Variants in ADGRL3 observed in about 807,000 individuals in gnomAD.
ADGRL3 encodes the protein calcium-independent alpha-latrotoxin receptor 3.
ADGRL3 carries 62 observed loss-of-function variants against 153.5 expected under a neutral mutation model. That is an observed-to-expected ratio of 0.40 (90% CI 0.33 to 0.50). The LOEUF is 0.50. ADGRL3 is among the 20% of genes least tolerant of loss of function. The probability of loss-of-function intolerance (pLI) is 0.47; values close to 1 mark genes in which losing one functional copy is unlikely to be tolerated. For missense variants in ADGRL3, 1,641 were observed against 1,859.4 expected, an observed-to-expected ratio of 0.88 and a Z score of 2.16; for synonymous variants, 710 against 672.5, an observed-to-expected ratio of 1.06 and a Z score of -0.86.
At chr4:61,487,687 A>T (rs1159900063) in intron 2 of ADGRL3, among the ~76,000 whole-genome samples, 3 of 152,072 alleles carry the variant, frequency 2.0e-5, no homozygotes, top group Admixed American at 2.0e-4. Flanking sequence ...GTTAATTTTT[A>T]AAATATATTT....
chr4:61,523,056 T>TGC (rs947152639), intron 4 of ADGRL3, among the ~76,000 whole-genome samples: 1 of 58,322 alleles, frequency 1.7e-5, no homozygotes, highest in Non-Finnish European at 3.0e-5. Context: ...CTGAAAATTG[T>TGC]GCGTGTGTGT....
At chr4:61,997,952 T>TGGCATAGCA (rs1266439270) in intron 20 of ADGRL3, among the ~76,000 whole-genome samples, 2 of 152,176 alleles carry the variant, frequency 1.3e-5, no homozygotes, top group Non-Finnish European at 2.9e-5. Flanking sequence ...TTGTGTGATT[T>TGGCATAGCA]GGCATAGCAG....
At chr4:61,249,506 G>A (rs1018689800) in intron 1 of ADGRL3, among the ~76,000 whole-genome samples, 1 of 151,940 alleles carries the variant, frequency 6.6e-6, no homozygotes, top group African/African-American at 2.4e-5. Context: ...GATGGCTTCT[G>A]GTGCTACACC....
chr4:61,308,309 T>G (rs571923652), intron 1 of ADGRL3, among the ~76,000 whole-genome samples: 2 of 152,234 alleles, frequency 1.3e-5, no homozygotes, highest in African/African-American at 4.8e-5. Context: ...ACACTGTTCC[T>G]GAGAATGGAA....
intron 5 of ADGRL3, among the ~76,000 whole-genome samples, chr4:61,610,174 C>T (rs1376830978): frequency 2.0e-5 from 3 of 150,232 alleles, no homozygotes; most frequent in South Asian, 2.1e-4. Context: ...ATAAAAGAGC[C>T]TGATTTTATT....
chr4:61,696,691 T>G (rs1414253955), intron 6 of ADGRL3, among the ~76,000 whole-genome samples: 2 of 144,844 alleles, frequency 1.4e-5, no homozygotes, highest in Non-Finnish European at 3.0e-5. Flanking sequence ...TTTTTTTTTT[T>G]GTGAGATGGA....
chr4:61,998,945 T>C (rs1182006889), intron 21 of ADGRL3, among the ~76,000 whole-genome samples: 1 of 152,076 alleles, frequency 6.6e-6, no homozygotes, highest in African/African-American at 2.4e-5. Flanking sequence ...CAGAGCAATG[T>C]GATGAGAGCC....
chr4:61,303,113 T>A (rs2150373102), intron 1 of ADGRL3, among the ~76,000 whole-genome samples: 1 of 152,292 alleles, frequency 6.6e-6, no homozygotes, highest in South Asian at 2.1e-4. Context: ...TATCCAAATT[T>A]AGAACCATTG....
intron 4 of ADGRL3, among the ~76,000 whole-genome samples, chr4:61,532,189 T>C (rs1201845851): frequency 6.6e-6 from 1 of 152,196 alleles, no homozygotes; most frequent in Non-Finnish European, 1.5e-5. Context: ...GGCAGTCAGA[T>C]ATGCGTGACT....
chr4:62,006,032 A>ATATATATTTT (rs1203029363), intron 21 of ADGRL3, among the ~76,000 whole-genome samples: 8 of 73,088 alleles, frequency 1.1e-4, no homozygotes, highest in African/African-American at 2.5e-4. Flanking sequence ...ATATATATAT[A>ATATATATTTT]TTTTTTTTTT....
chr4:61,386,296 A>G (rs545935069), intron 2 of ADGRL3, among the ~76,000 whole-genome samples: 2 of 152,266 alleles, frequency 1.3e-5, no homozygotes, highest in Admixed American at 6.5e-5. Flanking sequence ...TAACATAAAC[A>G]CTACTCAGAT....
intron 1 of ADGRL3, among the ~76,000 whole-genome samples, chr4:61,263,642 T>C (rs375093040): frequency 9.2e-5 from 14 of 152,064 alleles, no homozygotes; most frequent in African/African-American, 3.4e-4. Flanking sequence ...GCTAGTCGTT[T>C]AATGAGACAT....
intron 1 of ADGRL3, among the ~76,000 whole-genome samples, chr4:61,228,587 A>T (rs569133567): frequency 5.9e-5 from 9 of 152,346 alleles, no homozygotes; most frequent in African/African-American, 2.2e-4. Flanking sequence ...TAAGAAGAGC[A>T]AACCATGACA....
intron 4 of ADGRL3, among the ~76,000 whole-genome samples, chr4:61,562,298 AG>A (rs2098798384): frequency 6.6e-6 from 1 of 152,118 alleles, no homozygotes; most frequent in African/African-American, 2.4e-5. Context: ...CTGATTAATC[AG>A]GGTGGTGGTG....
At chr4:61,973,450 A>G (rs2099036715) in intron 17 of ADGRL3, among the ~76,000 whole-genome samples, 1 of 152,118 alleles carries the variant, frequency 6.6e-6, no homozygotes, top group African/African-American at 2.4e-5. Context: ...CAGAAGCTTC[A>G]TGTAAGTTTT....
intron 8 of ADGRL3, among the ~76,000 whole-genome samples, chr4:61,811,541 A>G (rs933208115): frequency 6.6e-6 from 1 of 152,114 alleles, no homozygotes; most frequent in African/African-American, 2.4e-5. Flanking sequence ...GGTTTTGATG[A>G]AAATGTTCTA....
chr4:61,509,122 A>ACC (rs1553949479), intron 3 of ADGRL3, among the ~76,000 whole-genome samples: 2 of 98,348 alleles, frequency 2.0e-5, no homozygotes, highest in Non-Finnish European at 2.1e-5. Context: ...ACCATATCAC[A>ACC]TCTTTTTTTT....
In ADGRL3 at chr4:61,448,359, G is replaced by A. The variant is rs940950411; in HGVS notation, c.-173-48762G>A. On this transcript the variant is annotated intron_variant, in intron 2 of 26. Coordinates refer to ENST00000683033, the MANE Select transcript of ADGRL3 (RefSeq NM_001387552.1). ...ACAATAATGAGAGATAAAATACTGC[G>A]GGAAATAATTCTAAGCCCAGTGGTT... Among the ~76,000 whole-genome samples the A allele has an allele frequency of 5.9e-5, 9 of 152,198 alleles. No homozygotes were observed. The East Asian group carries it at 7.8e-4, about 13-fold the overall frequency.
At chr4:62,063,449 A>G (rs879885854) in intron 25 of ADGRL3, 6 of 616,294 alleles carry the variant, frequency 9.7e-6, no homozygotes, top group African/African-American at 3.9e-5. Flanking sequence ...TTTCAAACAC[A>G]TTTGCCTGAT....
Sources: allele counts gnomAD v4.1 joint callset (sites outside exome capture counted in the v4.1 genomes callset), GRCh38; gene constraint gnomAD v4.1.1; transcripts MANE v1.5; gene names NCBI Gene and HGNC (gene_info 2026-07-23, HGNC 2026-07-21).